Variants in TNNI3K observed in about 807,000 individuals in gnomAD.
The protein encoded by TNNI3K is TNNI3 interacting kinase, also known as serine/threonine-protein kinase TNNI3K.
TNNI3K carries 140 observed loss-of-function variants against 114.5 expected under a neutral mutation model. The ratio of observed to expected loss-of-function variants is 1.22; its 90% CI spans 1.07 to 1.41. TNNI3K has a LOEUF of 1.41. Among genes scored for constraint, TNNI3K ranks in the 40% most tolerant of loss-of-function variants. The pLI is 0.00. For synonymous variants in TNNI3K, 347 were observed against 347.5 expected, an observed-to-expected ratio of 1.00 and a Z score of 0.02; for missense variants, 1,125 against 1,007.6, an observed-to-expected ratio of 1.12 and a Z score of -1.58.
chr1:74,519,333 C>T (rs1031458078), intron 23 of TNNI3K, among the ~76,000 whole-genome samples: 2 of 105,470 alleles, frequency 1.9e-5, no homozygotes, highest in Middle Eastern at 4.1e-3. Context: ...AATAGTGCCG[C>T]AATAAACATA....
intron 23 of TNNI3K, among the ~76,000 whole-genome samples, chr1:74,495,633 T>C (rs1669291353): frequency 6.6e-6 from 1 of 152,172 alleles, no homozygotes; most frequent in Non-Finnish European, 1.5e-5. Flanking sequence ...TATTCCAATT[T>C]TTATAGATGA....
At chr1:74,359,746 A>T (rs1178033754) in intron 11 of TNNI3K, among the ~76,000 whole-genome samples, 1 of 152,056 alleles carries the variant, frequency 6.6e-6, no homozygotes, top group Non-Finnish European at 1.5e-5. Context: ...TTTTCTCCAC[A>T]GTCAAGGAGG....
intron 5 of TNNI3K, among the ~76,000 whole-genome samples, chr1:74,274,794 T>G (rs894126495): frequency 2.6e-5 from 4 of 152,068 alleles, no homozygotes; most frequent in Middle Eastern, 3.2e-3. Flanking sequence ...CTGAACATCA[T>G]AGCTTAGCCT....
At chr1:74,246,038 A>C (rs1654531042) in intron 2 of TNNI3K, among the ~76,000 whole-genome samples, 1 of 152,208 alleles carries the variant, frequency 6.6e-6, no homozygotes, top group African/African-American at 2.4e-5. Flanking sequence ...AATTTAACTC[A>C]CTTCTATCAG....
At chr1:74,522,772 A>G (rs1159828940) in intron 23 of TNNI3K, among the ~76,000 whole-genome samples, 1 of 152,138 alleles carries the variant, frequency 6.6e-6, no homozygotes, top group African/African-American at 2.4e-5. Flanking sequence ...AAACTGGTGT[A>G]TTTCTTAGGT....
intron 5 of TNNI3K, among the ~76,000 whole-genome samples, chr1:74,312,383 G>A (rs998479212): frequency 6.6e-6 from 1 of 152,170 alleles, no homozygotes; most frequent in Non-Finnish European, 1.5e-5. Context: ...CAATGCTTTT[G>A]TTCAGGATAC....
chr1:74,442,172 TG>T (rs1354500845), intron 20 of TNNI3K, among the ~76,000 whole-genome samples: 1 of 152,070 alleles, frequency 6.6e-6, no homozygotes, highest in African/African-American at 2.4e-5. Context: ...TTTATTCCTT[TG>T]TTTTTTTTAA....
At chr1:74,342,542 G>GTGTACCTT (rs1660798409) in intron 7 of TNNI3K, among the ~76,000 whole-genome samples, 1 of 152,076 alleles carries the variant, frequency 6.6e-6, no homozygotes, top group Non-Finnish European at 1.5e-5. Flanking sequence ...ATAAGGCCAC[G>GTGTACCTT]TGTACCTTTT....
chr1:74,289,233 TA>T (rs1376696647), intron 5 of TNNI3K, among the ~76,000 whole-genome samples: 1 of 151,972 alleles, frequency 6.6e-6, no homozygotes, highest in Non-Finnish European at 1.5e-5. Context: ...ATTTTTGACT[TA>T]AAAAATGGAT....
intron 9 of TNNI3K, 51 bp from the exon 10 acceptor site, chr1:74,353,215 G>A (rs1384304705): frequency 1.3e-6 from 2 of 1,590,164 alleles, no homozygotes; most frequent in East Asian, 2.2e-5. Flanking sequence ...GCACAATTTA[G>A]TTCATAACAA....
At chr1:74,348,066 C>T (rs1661117855) in intron 9 of TNNI3K, among the ~76,000 whole-genome samples, 1 of 152,104 alleles carries the variant, frequency 6.6e-6, no homozygotes, top group Non-Finnish European at 1.5e-5. Context: ...ACATGAAGTC[C>T]TTGCCCATGC....
intron 17 of TNNI3K, among the ~76,000 whole-genome samples, chr1:74,381,596 G>T (rs949442633): frequency 1.1e-4 from 16 of 152,116 alleles, no homozygotes; most frequent in Middle Eastern, 6.8e-3. Flanking sequence ...TTTTACTGTA[G>T]ATCTCTTTCT....
rs45541338 is a variant in TNNI3K at position 74,236,529 on chromosome 1, C to G, written c.149+319C>G. ...CAGGAATTAGATCATTCTTGTAAAC[C>G]ATGCCGGCAATGAAAAGCAAGATTT... On this transcript the variant is annotated intron_variant, in intron 2 of 24. Transcript: ENST00000326637. Among the ~76,000 whole-genome samples the G allele has an allele frequency of 7.4e-3, 1,118 of 151,834 alleles. 14 individuals are homozygous for G. Among genetic ancestry groups the G allele is most frequent in the African/African-American group, 0.025 (1,047 of 41,496 alleles).
intron 23 of TNNI3K, among the ~76,000 whole-genome samples, chr1:74,500,472 C>T (rs1031224600): frequency 6.6e-6 from 1 of 150,436 alleles, no homozygotes; most frequent in African/African-American, 2.4e-5. Context: ...GGCGTAGTGG[C>T]GGGCGCCTGT....
chr1:74,257,942 C>T (rs778051506), intron 4 of TNNI3K, among the ~76,000 whole-genome samples: 11 of 152,114 alleles, frequency 7.2e-5, no homozygotes, highest in African/African-American at 1.2e-4. Context: ...GCTGGGATTA[C>T]AGGCGTGAGC....
In TNNI3K at chr1:74,368,098, C is replaced by G. The variant is rs147949040; in HGVS notation, c.1321+134C>G. On this transcript the variant is annotated intron_variant, in intron 13 of 24. Transcript: ENST00000326637. ...AGCACAACAAATATTATTGACAGAC[C>G]GTTCTTTTCATAATTAACCTTACCC... 1.2e-4 allele frequency: 95 copies of G among 818,390 alleles called. No individual in the cohort carries two copies. The African/African-American group carries it at 1.5e-3, about 13-fold the overall frequency. The allele number at this position is 818,390 out of a possible 1,614,324, so 50.7% of individuals were successfully genotyped here. A position where few individuals can be genotyped will look rare whatever the true frequency, so the allele number is the denominator to read the frequency against.
intron 5 of TNNI3K, among the ~76,000 whole-genome samples, chr1:74,280,609 C>T (rs1026905198): frequency 3.3e-5 from 5 of 152,118 alleles, no homozygotes; most frequent in Non-Finnish European, 7.4e-5. Context: ...CAGAATTCTG[C>T]CAGCCCCCAT....
intron 23 of TNNI3K, among the ~76,000 whole-genome samples, chr1:74,536,914 G>T (rs188530389): frequency 2.3e-4 from 35 of 152,106 alleles, no homozygotes; most frequent in African/African-American, 8.4e-4. Flanking sequence ...TTCTAAATCC[G>T]GGCATCTGTG....
intron 5 of TNNI3K, among the ~76,000 whole-genome samples, chr1:74,318,855 G>T (rs1659457758): frequency 6.6e-6 from 1 of 152,228 alleles, no homozygotes; most frequent in Non-Finnish European, 1.5e-5. Context: ...GATCTGAGCT[G>T]TTGCTCCTCT....
Sources: allele counts gnomAD v4.1 joint callset (sites outside exome capture counted in the v4.1 genomes callset), GRCh38; gene constraint gnomAD v4.1.1; transcripts MANE v1.5; gene names NCBI Gene and HGNC (gene_info 2026-07-23, HGNC 2026-07-21).